Variants in GALNTL6 observed in about 807,000 individuals in gnomAD.
The protein encoded by GALNTL6 is polypeptide N-acetylgalactosaminyltransferase-like 6.
GALNTL6 carries 46 observed loss-of-function variants against 73.7 expected under a neutral mutation model. The observed-to-expected ratio is 0.62, with a 90% CI of 0.49 to 0.80. The LOEUF (loss-of-function observed/expected upper bound fraction) is 0.80. Among genes scored for constraint, GALNTL6 ranks in the 30% least tolerant of loss-of-function variants. The pLI, the probability that GALNTL6 is intolerant of heterozygous loss-of-function variation, is 0.00. For synonymous variants in GALNTL6, 259 were observed against 263.7 expected (o/e 0.98, Z 0.17); for missense variants, 604 against 755.0 (o/e 0.80, Z 2.34).
intron 5 of GALNTL6, among the ~76,000 whole-genome samples, chr4:172,715,232 AG>A (rs1734994654): frequency 6.6e-6 from 1 of 152,172 alleles, no homozygotes; most frequent in South Asian, 2.1e-4. Flanking sequence ...GAAGGTAGTA[AG>A]AAAAGCAACA....
At chr4:171,889,797 G>A (rs566371116) in intron 2 of GALNTL6, among the ~76,000 whole-genome samples, 1 of 152,208 alleles carries the variant, frequency 6.6e-6, no homozygotes, top group African/African-American at 2.4e-5. Context: ...TTTCGAATAA[G>A]TTATCACTAT....
At chr4:171,850,221 C>G (rs1396535108) in intron 2 of GALNTL6, among the ~76,000 whole-genome samples, 3 of 152,142 alleles carry the variant, frequency 2.0e-5, no homozygotes, top group Admixed American at 2.0e-4. Flanking sequence ...ATCTGCCCAC[C>G]CCAGCCTCCC....
At chr4:172,327,206 T>G (rs1204801222) in intron 4 of GALNTL6, among the ~76,000 whole-genome samples, 2 of 152,130 alleles carry the variant, frequency 1.3e-5, no homozygotes, top group Non-Finnish European at 2.9e-5. Context: ...TTGCATGGTT[T>G]TGAGAAATAT....
intron 2 of GALNTL6, among the ~76,000 whole-genome samples, chr4:171,877,852 T>C (rs1014713743): frequency 6.6e-6 from 1 of 152,208 alleles, no homozygotes; most frequent in Non-Finnish European, 1.5e-5. Context: ...TCGATTGATG[T>C]TGAAAATGCA....
chr4:173,015,035 T>C (rs1452553450), intron 11 of GALNTL6, among the ~76,000 whole-genome samples: 1 of 152,294 alleles, frequency 6.6e-6, no homozygotes, highest in South Asian at 2.1e-4. Flanking sequence ...GATCTGATGG[T>C]TCTATAAGGC....
chr4:173,015,957 C>T (rs187577060), intron 11 of GALNTL6, among the ~76,000 whole-genome samples: 25 of 152,340 alleles, frequency 1.6e-4, no homozygotes, highest in Non-Finnish European at 3.2e-4. Flanking sequence ...CCTCAGGACA[C>T]GGTGCCGTGT....
At chr4:172,148,263 T>C (rs1008417665) in intron 2 of GALNTL6, among the ~76,000 whole-genome samples, 1 of 152,204 alleles carries the variant, frequency 6.6e-6, no homozygotes, top group African/African-American at 2.4e-5. Context: ...TGCTGATATG[T>C]AGAAAGATAA....
chr4:171,921,849 A>G (rs1401475854), intron 2 of GALNTL6, among the ~76,000 whole-genome samples: 2 of 152,120 alleles, frequency 1.3e-5, no homozygotes, highest in Non-Finnish European at 2.9e-5. Flanking sequence ...ATCTTAAAAA[A>G]TAAATCTTTC....
intron 2 of GALNTL6, among the ~76,000 whole-genome samples, chr4:171,871,630 T>C (rs1398922392): frequency 6.6e-6 from 1 of 152,150 alleles, no homozygotes; most frequent in Non-Finnish European, 1.5e-5. Flanking sequence ...ATAATGAATG[T>C]AAGAAAGCAA....
chr4:171,988,399 G>A (rs1413330418), intron 2 of GALNTL6, among the ~76,000 whole-genome samples: 1 of 152,186 alleles, frequency 6.6e-6, no homozygotes, highest in East Asian at 1.9e-4. Flanking sequence ...GTGAAGCCTT[G>A]CGGCAGTACA....
At chr4:172,203,763 C>T (rs1041132919) in intron 2 of GALNTL6, among the ~76,000 whole-genome samples, 1 of 151,532 alleles carries the variant, frequency 6.6e-6, no homozygotes, top group Non-Finnish European at 1.5e-5. Flanking sequence ...TTATTTTTTT[C>T]GAGGTGGAGT....
At chr4:172,368,163 G>T (rs1742638171) in intron 5 of GALNTL6, among the ~76,000 whole-genome samples, 1 of 152,112 alleles carries the variant, frequency 6.6e-6, no homozygotes. Flanking sequence ...GGTGACTGAT[G>T]AGATCAGGAG....
chr4:172,150,007 T>C (rs185594471), intron 2 of GALNTL6, among the ~76,000 whole-genome samples: 16 of 152,324 alleles, frequency 1.1e-4, no homozygotes, highest in African/African-American at 3.6e-4. Context: ...TAATTTCTTA[T>C]GCCAGAGTCT....
intron 5 of GALNTL6, among the ~76,000 whole-genome samples, chr4:172,419,785 T>C (rs544627168): frequency 1.8e-3 from 271 of 152,264 alleles, no homozygotes; most frequent in African/African-American, 6.2e-3. Context: ...AAGAGACATG[T>C]CCCAGCTAGG....
Position 172,069,568 on chromosome 4 carries a change from C to CATATGTGTT in GALNTL6, c.139-160084_139-160083insGTGTTATAT, listed in dbSNP as rs1560909645. Among the ~76,000 whole-genome samples, 26 of 35,164 alleles carry CATATGTGTT rather than the reference C, an allele frequency of 7.4e-4. 6 individuals carry two copies. The highest frequency in any genetic ancestry group is 3.0e-3 in the East Asian group (6 of 2,030). 23.1% of individuals were successfully genotyped at this position (35,164 alleles called of 152,430 possible). ...TAACACATATATGTTATATATAACACATATATGTTATATATTATATATATA... is the reference window on the plus strand; with the variant it reads ...TAACACATATATGTTATATATAACACATATGTGTTATATATGTTATATATTATATATATA... On this transcript the variant is annotated intron_variant, in intron 2 of 12. Transcript: ENST00000506823.
At chr4:171,902,616 G>A (rs74910702) in intron 2 of GALNTL6, among the ~76,000 whole-genome samples, 2 of 152,176 alleles carry the variant, frequency 1.3e-5, no homozygotes, top group African/African-American at 2.4e-5. Context: ...GAGTAGAGAA[G>A]TTATCAGTGA....
At chr4:172,218,650 T>G (rs1344415354) in intron 2 of GALNTL6, among the ~76,000 whole-genome samples, 1 of 152,086 alleles carries the variant, frequency 6.6e-6, no homozygotes, top group Non-Finnish European at 1.5e-5. Flanking sequence ...AACTTGCAGA[T>G]TTTCAGTTTG....
chr4:172,879,120 C>T (rs1175258401), intron 7 of GALNTL6, among the ~76,000 whole-genome samples: 2 of 151,682 alleles, frequency 1.3e-5, no homozygotes, highest in East Asian at 1.9e-4. Flanking sequence ...GCTACGGAAA[C>T]ATGTTGCAAA....
chr4:172,095,372 G>A (rs1420642438), intron 2 of GALNTL6, among the ~76,000 whole-genome samples: 5 of 152,220 alleles, frequency 3.3e-5, no homozygotes, highest in Admixed American at 6.5e-5. Context: ...GAGTAAGCGC[G>A]TGTACGAAGG....
Sources: gnomAD v4.1 joint callset for allele counts (sites outside exome capture counted in the v4.1 genomes callset) on GRCh38, gnomAD v4.1.1 for gene constraint, MANE v1.5 for transcripts, NCBI Gene and HGNC (gene_info 2026-07-23, HGNC 2026-07-21) for gene names.